FGD4: variants seen among roughly 807,000 people sequenced by gnomAD.
FGD4 encodes FYVE, RhoGEF and PH domain-containing protein 4.
Under a neutral mutation model 102.0 loss-of-function variants are expected in FGD4, and 42 were observed. That is an observed-to-expected ratio of 0.41 (90% CI 0.32 to 0.53). The LOEUF is 0.53. Among genes scored for constraint, FGD4 ranks in the 20% least tolerant of loss-of-function variants. The probability of loss-of-function intolerance (pLI) is 0.21; values close to 1 mark genes in which losing one functional copy is unlikely to be tolerated. For missense variants in FGD4, 902 were observed against 1,078.2 expected, an observed-to-expected ratio of 0.84 and a Z score of 2.29; for synonymous variants, 380 against 375.7, an observed-to-expected ratio of 1.01 and a Z score of -0.13.
chr12:32,470,463 C>CTTTTTTTTTTTTTTTTTT (rs551854980), intron 1 of FGD4, among the ~76,000 whole-genome samples: 1 of 130,840 alleles, frequency 7.6e-6, no homozygotes, highest in Non-Finnish European at 1.6e-5. Context: ...TTTTCTTTTT[C>CTTTTTTTTTTTTTTTTTT]TTTTTTTTTT....
intron 10 of FGD4, among the ~76,000 whole-genome samples, chr12:32,611,972 A>G (rs11052103): frequency 0.27 from 40,910 of 152,172 alleles, 5,837 homozygotes; most frequent in South Asian, 0.41. Flanking sequence ...CCCGCTCCCA[A>G]TGCCTGTTCC....
intron 7 of FGD4, among the ~76,000 whole-genome samples, chr12:32,603,817 C>T (rs1048605188): frequency 3.9e-5 from 6 of 152,158 alleles, no homozygotes; most frequent in Non-Finnish European, 7.4e-5. Context: ...ATCCTCCCAC[C>T]GCAGCCTCTC....
intron 10 of FGD4, among the ~76,000 whole-genome samples, chr12:32,619,350 CG>C (rs1949652636): frequency 6.6e-6 from 1 of 151,984 alleles, no homozygotes; most frequent in African/African-American, 2.4e-5. Flanking sequence ...TGTTTCCAGC[CG>C]GGTGCGGTGG....
intron 1 of FGD4, among the ~76,000 whole-genome samples, chr12:32,450,114 G>A (rs1489573556): frequency 6.6e-6 from 1 of 151,936 alleles, no homozygotes; most frequent in East Asian, 1.9e-4. Context: ...TGTATTTTTA[G>A]TAGTGACGGG....
At chr12:32,478,886 T>A (rs922084205) in intron 1 of FGD4, among the ~76,000 whole-genome samples, 2 of 152,202 alleles carry the variant, frequency 1.3e-5, no homozygotes, top group African/African-American at 4.8e-5. Flanking sequence ...TCCAGCTCCT[T>A]CTGGATATTC....
At chr12:32,527,436 CTT>C (rs58360232) in intron 1 of FGD4, among the ~76,000 whole-genome samples, 7,610 of 149,386 alleles carry the variant, frequency 0.051, 473 homozygotes, top group African/African-American at 0.13. Flanking sequence ...CCTGGCCAGA[CTT>C]TTTTTTTTTG....
intron 1 of FGD4, among the ~76,000 whole-genome samples, chr12:32,463,144 G>A (rs916582763): frequency 6.6e-6 from 1 of 152,242 alleles, no homozygotes; most frequent in African/African-American, 2.4e-5. Flanking sequence ...AACTTGGTGT[G>A]TATGATCTCA....
intron 1 of FGD4, among the ~76,000 whole-genome samples, chr12:32,426,330 T>G (rs999617737): frequency 5.3e-5 from 8 of 152,164 alleles, no homozygotes; most frequent in African/African-American, 1.9e-4. Context: ...ATCATGTGGT[T>G]TTTGTCGTTG....
chr12:32,573,915 A>G (rs933828405), intron 2 of FGD4, among the ~76,000 whole-genome samples: 5 of 152,222 alleles, frequency 3.3e-5, no homozygotes, highest in African/African-American at 1.2e-4. Flanking sequence ...CAAAAGTAAT[A>G]TATTCCTTAC....
chr12:32,461,555 G>T (rs1207899969), intron 1 of FGD4, among the ~76,000 whole-genome samples: 1 of 152,052 alleles, frequency 6.6e-6, no homozygotes, highest in Non-Finnish European at 1.5e-5. Context: ...TTGAATCCAC[G>T]TATTTGCACA....
chr12:32,640,709 C>A lies in FGD4; in HGVS notation c.*176C>A. On this transcript the variant is annotated 3_prime_UTR_variant, in exon 17 of 17. Transcript: ENST00000534526. ...TCTTAGTGAAATTAGTGTGCAGAGTCATTCTACCGATAAAGTTTTGAAATA... is the reference window on the plus strand; with the variant it reads ...TCTTAGTGAAATTAGTGTGCAGAGTAATTCTACCGATAAAGTTTTGAAATA... 2 of 851,870 alleles carry A rather than the reference C, an allele frequency of 2.3e-6. No individual in the cohort carries two copies. The highest frequency in any genetic ancestry group is 1.7e-5 in the South Asian group (1 of 58,220). The allele number at this position is 851,870 out of a possible 1,614,324, so 52.8% of individuals were successfully genotyped here.
rs1362260305 is a variant in FGD4, at chr12:32,518,474, A to G, written c.167-45663A>G. Reference sequence around the variant, plus strand: ...GTCTGGGCAACAAGAGTGAAACTCCATCTCAAAAAACAACAACAAAAAACC... The same window carrying G: ...GTCTGGGCAACAAGAGTGAAACTCCGTCTCAAAAAACAACAACAAAAAACC... On this transcript the variant is annotated intron_variant, in intron 1 of 16. Transcript: ENST00000534526. 7.9e-5 allele frequency among the ~76,000 whole-genome samples: 12 copies of G among 152,318 alleles called. No individual in the cohort carries two copies. The East Asian group carries it at 1.9e-3, about 25-fold the overall frequency.
At position 32,582,097 on chromosome 12, in the gene FGD4, A is replaced by G; in HGVS notation, c.641A>G (p.Asn214Ser). 6.2e-7 allele frequency: 1 copy of G among 1,614,226 alleles called. No individual in the cohort carries two copies. The highest frequency in any genetic ancestry group is 8.5e-7 in the Non-Finnish European group (1 of 1,180,038). Residue 214 changes from asparagine to serine, a missense_variant, in exon 4 of 17, where the codon AAT becomes AGT. Transcript: ENST00000534526. Reference sequence around the variant, plus strand: ...CAGCACTTGCCACAGAGGCAGGGAAATGATACAGATAAGACTCAGGGTGCA... The same window carrying G: ...CAGCACTTGCCACAGAGGCAGGGAAGTGATACAGATAAGACTCAGGGTGCA... ...LSQHLPQRQGNDTDKTQGAQT... is the reference protein window; with the variant it reads ...LSQHLPQRQGSDTDKTQGAQT...
intron 1 of FGD4, among the ~76,000 whole-genome samples, chr12:32,523,759 G>T (rs1940796658): frequency 6.6e-6 from 1 of 152,066 alleles, no homozygotes; most frequent in Non-Finnish European, 1.5e-5. Flanking sequence ...CAGATCATGA[G>T]GTCAGGAGAT....
chr12:32,410,067 G>A (rs1017194632), intron 1 of FGD4, among the ~76,000 whole-genome samples: 5 of 150,986 alleles, frequency 3.3e-5, no homozygotes, highest in South Asian at 2.1e-4. Context: ...GGTGGCTCAC[G>A]CCTATAATCC....
At chr12:32,555,569 CTTTTTT>C (rs776546962) in intron 1 of FGD4, among the ~76,000 whole-genome samples, 1 of 118,742 alleles carries the variant, frequency 8.4e-6, no homozygotes, top group East Asian at 2.4e-4. Flanking sequence ...GAGACAAGGT[CTTTTTT>C]TTTTTTTTTT....
intron 1 of FGD4, among the ~76,000 whole-genome samples, chr12:32,404,336 G>C (rs963877427): frequency 6.6e-6 from 1 of 151,676 alleles, no homozygotes; most frequent in Non-Finnish European, 1.5e-5. Context: ...AGAACTTCTA[G>C]AGTACTAATT....
chr12:32,465,321 C>G (rs972024097), intron 1 of FGD4, among the ~76,000 whole-genome samples: 1 of 151,712 alleles, frequency 6.6e-6, no homozygotes, highest in South Asian at 2.1e-4. Context: ...TTGCCATAGC[C>G]CCCCCAGCCC....
At chr12:32,488,076 A>T (rs559218236) in intron 1 of FGD4, among the ~76,000 whole-genome samples, 45 of 152,166 alleles carry the variant, frequency 3.0e-4, no homozygotes, top group Non-Finnish European at 6.0e-4. Flanking sequence ...AAATGTTGGT[A>T]ACTGGAAAAA....
Sources: gnomAD v4.1 joint callset for allele counts (sites outside exome capture counted in the v4.1 genomes callset) on GRCh38, gnomAD v4.1.1 for gene constraint, MANE v1.5 for transcripts, NCBI Gene and HGNC (gene_info 2026-07-23, HGNC 2026-07-21) for gene names.